Variants in SLAMF6 observed in about 807,000 individuals in gnomAD.
SLAMF6 encodes the protein SLAM family member 6, also known as NK-T-B-antigen.
A neutral mutation model predicts 38.3 loss-of-function variants in SLAMF6; 21 were observed. The ratio of observed to expected loss-of-function variants is 0.55; its 90% CI spans 0.39 to 0.79. The LOEUF (loss-of-function observed/expected upper bound fraction) is 0.79, where lower values mean the gene tolerates loss of function less well. SLAMF6 is among the 30% of genes least tolerant of loss of function. The pLI is 0.00. For missense variants in SLAMF6, 341 were observed against 385.3 expected (o/e 0.89, Z 0.96); for synonymous variants, 152 against 146.3 (o/e 1.04, Z -0.28).
chr1:160,518,350 A>T (rs1654837226), intron 1 of SLAMF6, among the ~76,000 whole-genome samples: 2 of 152,098 alleles, frequency 1.3e-5, no homozygotes, highest in South Asian at 2.1e-4. Flanking sequence ...CAATGCGGGG[A>T]CTCCTCAAAG....
intron 2 of SLAMF6, among the ~76,000 whole-genome samples, chr1:160,495,127 T>C (rs907775348): frequency 1.3e-5 from 2 of 152,224 alleles, no homozygotes; most frequent in Non-Finnish European, 2.9e-5. Flanking sequence ...AGACCTTTTA[T>C]TTTAACAGTG....
At chr1:160,493,864 G>C (rs938637577) in intron 2 of SLAMF6, among the ~76,000 whole-genome samples, 4 of 152,084 alleles carry the variant, frequency 2.6e-5, no homozygotes, top group Non-Finnish European at 5.9e-5. Flanking sequence ...GAGAGAGAGA[G>C]AAAGGGCAAG....
At position 160,491,303 on chromosome 1, in the gene SLAMF6, C is replaced by T. The variant is rs1285445120; in HGVS notation, c.468G>A (p.Glu156=). The change falls in exon 3 of 8, where the codon GAG becomes GAA. Residue 156 remains glutamate (E), a synonymous_variant. Coordinates refer to ENST00000368057, the MANE Select transcript of SLAMF6 (RefSeq NM_001184714.2). The part of the protein sequence containing the change: ...TCELHLTCSV[E]DADDNVSFRW... ...TGAATGAGACATTGTCATCTGCATC[C>T]TCCACAGAGCAAGTCAGATGGAGCT... 15 of 1,613,948 alleles carry T rather than the reference C, an allele frequency of 9.3e-6. No homozygotes were observed. The highest frequency in any genetic ancestry group is 4.4e-5 in the South Asian group (4 of 91,088).
chr1:160,486,650 G>A lies in SLAMF6; in HGVS notation c.*57C>T, dbSNP rs1652977064. ...AACCAAGCTTCCTGTTCTTTGTTCT[G>A]TCTCATGGGATCAGAAGACGTGTCA... On this transcript the variant is annotated 3_prime_UTR_variant, in exon 8 of 8. Transcript: ENST00000368057. 6.6e-7 allele frequency: 1 copy of A among 1,524,148 alleles called. No homozygotes were observed. Among genetic ancestry groups the A allele is most frequent in the Non-Finnish European group, 9.1e-7 (1 of 1,099,144 alleles). 94.4% of individuals were successfully genotyped at this position (1,524,148 alleles called of 1,614,324 possible). A position where few individuals can be genotyped will look rare whatever the true frequency, so the allele number is the denominator to read the frequency against.
intron 1 of SLAMF6, among the ~76,000 whole-genome samples, chr1:160,500,818 A>G (rs895794671): frequency 1.3e-5 from 2 of 152,182 alleles, no homozygotes; most frequent in Non-Finnish European, 1.5e-5. Flanking sequence ...AGAATGTTAA[A>G]GCTCAGTTCC....
intron 1 of SLAMF6, among the ~76,000 whole-genome samples, chr1:160,498,871 G>A (rs1653734527): frequency 6.6e-6 from 1 of 152,130 alleles, no homozygotes; most frequent in South Asian, 2.1e-4. Context: ...CATTTAAGAA[G>A]TGCCTGTTCA....
At chr1:160,507,792 A>G (rs1654266991) in intron 1 of SLAMF6, among the ~76,000 whole-genome samples, 1 of 152,148 alleles carries the variant, frequency 6.6e-6, no homozygotes, top group Non-Finnish European at 1.5e-5. Flanking sequence ...TAATCAATGG[A>G]TCAAAGAAGA....
At chr1:160,508,328 A>G (rs1276678632) in intron 1 of SLAMF6, among the ~76,000 whole-genome samples, 1 of 152,228 alleles carries the variant, frequency 6.6e-6, no homozygotes, top group Non-Finnish European at 1.5e-5. Context: ...TCAGTGGTAC[A>G]GAACAGAGGC....
In SLAMF6 at chr1:160,504,753, C is replaced by T. The variant is rs145171632; in HGVS notation, c.50-8360G>A. 3.5e-3 allele frequency among the ~76,000 whole-genome samples: 537 copies of T among 152,242 alleles called. 2 individuals are homozygous for T. Among genetic ancestry groups the T allele is most frequent in the African/African-American group, 0.012 (501 of 41,542 alleles). On this transcript the variant is annotated intron_variant, in intron 1 of 7. Coordinates refer to ENST00000368057, the MANE Select transcript of SLAMF6 (RefSeq NM_001184714.2). The stretch of plus-strand genomic sequence containing the variant: ...TAGTGGAGGCAAAAAATAGATATGT[C>T]GAATGCCTGGGAAGAAAAGCTGGGG...
At position 160,514,216 on chromosome 1, in the gene SLAMF6, T is replaced by C. The variant is rs141385849; in HGVS notation, c.49+8928A>G. Among the ~76,000 whole-genome samples the C allele has an allele frequency of 8.5e-3, 1,292 of 152,150 alleles. 25 individuals carry two copies. Among genetic ancestry groups the C allele is most frequent in the African/African-American group, 0.03 (1,244 of 41,522 alleles). On this transcript the variant is annotated intron_variant, in intron 1 of 7. Coordinates refer to ENST00000368057, the MANE Select transcript of SLAMF6 (RefSeq NM_001184714.2). ...AACCAGAAAAAAGCAGGGATTGCAA[T>C]CCTAGTTTCTGACAAAATAGACTTT...
intron 1 of SLAMF6, among the ~76,000 whole-genome samples, chr1:160,522,442 C>T (rs867178165): frequency 1.3e-5 from 2 of 152,288 alleles, no homozygotes; most frequent in East Asian, 1.9e-4. Flanking sequence ...CTGAATGCTA[C>T]ACTTTGTCTC....
rs371323835 is a variant in SLAMF6 at position 160,518,988 on chromosome 1, T to C, written c.49+4156A>G. Among the ~76,000 whole-genome samples, 9 of 152,268 alleles carry C rather than the reference T, an allele frequency of 5.9e-5. No individual in the cohort carries two copies. In the East Asian group the frequency reaches 1.7e-3, roughly 29 times the overall value. ...TGTGCTTCATCAAAATTAAAGACTT[T>C]TGTGCATCAAAGAACATTATTAAGA... On this transcript the variant is annotated intron_variant, in intron 1 of 7. Coordinates refer to ENST00000368057, the MANE Select transcript of SLAMF6 (RefSeq NM_001184714.2).
At chr1:160,499,574 T>C (rs1653772856) in intron 1 of SLAMF6, among the ~76,000 whole-genome samples, 1 of 152,186 alleles carries the variant, frequency 6.6e-6, no homozygotes. Context: ...AATTTTAGAA[T>C]GGTTTTTCTA....
chr1:160,498,459 G>A (rs545497738), intron 1 of SLAMF6, among the ~76,000 whole-genome samples: 1 of 152,302 alleles, frequency 6.6e-6, no homozygotes, highest in South Asian at 2.1e-4. Context: ...ATGGTGGAAG[G>A]TGAAGGAGGA....
At chr1:160,515,974 A>G (rs944064953) in intron 1 of SLAMF6, among the ~76,000 whole-genome samples, 1 of 152,208 alleles carries the variant, frequency 6.6e-6, no homozygotes, top group Admixed American at 6.5e-5. Flanking sequence ...CACCACTCCT[A>G]TTCAGCATAG....
chr1:160,489,064 G>T, intron 6 of SLAMF6, 24 bp downstream of exon 6: 9 of 1,576,234 alleles, frequency 5.7e-6, no homozygotes, highest in Non-Finnish European at 7.9e-6. Context: ...GACAACAATG[G>T]CATATAAAGC....
intron 1 of SLAMF6, among the ~76,000 whole-genome samples, chr1:160,500,360 C>G (rs1653818102): frequency 6.6e-6 from 1 of 152,338 alleles, no homozygotes; most frequent in South Asian, 2.1e-4. Flanking sequence ...TCACTTTGCT[C>G]CAGCCCCCTT....
intron 1 of SLAMF6, among the ~76,000 whole-genome samples, chr1:160,515,123 A>G (rs373548216): frequency 5.9e-5 from 9 of 152,270 alleles, no homozygotes; most frequent in African/African-American, 2.2e-4. Flanking sequence ...CTAGACTAAC[A>G]AAGAAGAAAA....
At chr1:160,511,150 A>T (rs3904694) in intron 1 of SLAMF6, among the ~76,000 whole-genome samples, 1 of 152,110 alleles carries the variant, frequency 6.6e-6, no homozygotes, top group Non-Finnish European at 1.5e-5. Flanking sequence ...CGATACCACC[A>T]AAAGCAATTT....
Sources: gnomAD v4.1 joint callset for allele counts (sites outside exome capture counted in the v4.1 genomes callset) on GRCh38, gnomAD v4.1.1 for gene constraint, MANE v1.5 for transcripts, NCBI Gene and HGNC (gene_info 2026-07-23, HGNC 2026-07-21) for gene names.